AFG2A: variants seen among roughly 807,000 people sequenced by gnomAD.
AFG2A encodes AAA ATPase AFG2A, also known as ATPase family gene 2 protein homolog A.
the AFG2A span, among the ~76,000 whole-genome samples, chr4:123,023,755 T>A: frequency 6.6e-6 from 1 of 152,146 alleles, no homozygotes; most frequent in South Asian, 2.1e-4. Context: ...GATGGCAGCC[T>A]CCGAGCCGGT....
the AFG2A span, among the ~76,000 whole-genome samples, chr4:123,041,472 T>C: frequency 6.6e-6 from 1 of 151,690 alleles, no homozygotes; most frequent in African/African-American, 2.4e-5. Flanking sequence ...AAATATTGAT[T>C]TTTAGACTAT....
the AFG2A span, among the ~76,000 whole-genome samples, chr4:123,293,232 A>C: frequency 2.0e-5 from 3 of 152,172 alleles, no homozygotes; most frequent in African/African-American, 7.2e-5. Flanking sequence ...GTGATAGGCA[A>C]AGGGTAGAAG....
the AFG2A span, among the ~76,000 whole-genome samples, chr4:123,157,381 C>T: frequency 6.6e-6 from 1 of 152,072 alleles, no homozygotes; most frequent in Non-Finnish European, 1.5e-5. Flanking sequence ...CCATAAGAAG[C>T]ATAAAGCTTT....
chr4:123,156,815 T>G, the AFG2A span, among the ~76,000 whole-genome samples: 21,804 of 150,354 alleles, frequency 0.15, 2,037 homozygotes, highest in East Asian at 0.45. Context: ...GATCCCATGC[T>G]GATAGTTTTT....
At chr4:123,265,209 G>A in the AFG2A span, among the ~76,000 whole-genome samples, 2 of 151,982 alleles carry the variant, frequency 1.3e-5, no homozygotes, top group Admixed American at 6.6e-5. Context: ...TGGTTGTTAT[G>A]CTTTTCAACT....
At chr4:123,046,511 A>T in the AFG2A span, among the ~76,000 whole-genome samples, 1 of 152,002 alleles carries the variant, frequency 6.6e-6, no homozygotes, top group African/African-American at 2.4e-5. Context: ...TGTATTTTTT[A>T]TTGGTGTATC....
the AFG2A span, among the ~76,000 whole-genome samples, chr4:123,302,856 C>T: frequency 2.0e-5 from 3 of 152,204 alleles, no homozygotes; most frequent in African/African-American, 7.2e-5. Flanking sequence ...TCAATGGAAA[C>T]ATTTGCACTG....
At chr4:123,019,863 TA>T in the AFG2A span, among the ~76,000 whole-genome samples, 1 of 152,198 alleles carries the variant, frequency 6.6e-6, no homozygotes, top group Non-Finnish European at 1.5e-5. Flanking sequence ...TTTATTTCAG[TA>T]GTAAATTTTA....
chr4:123,095,858 T>G, the AFG2A span, among the ~76,000 whole-genome samples: 1 of 152,090 alleles, frequency 6.6e-6, no homozygotes, highest in African/African-American at 2.4e-5. Flanking sequence ...GTTATGATGA[T>G]TTTAGGTTAG....
At chr4:123,180,005 A>G in the AFG2A span, among the ~76,000 whole-genome samples, 45 of 152,222 alleles carry the variant, frequency 3.0e-4, no homozygotes, top group Middle Eastern at 3.4e-3. Flanking sequence ...AGATCACTTG[A>G]GGTAAGGCAT....
the AFG2A span, among the ~76,000 whole-genome samples, chr4:123,063,745 A>G: frequency 6.7e-6 from 1 of 148,982 alleles, no homozygotes; most frequent in Non-Finnish European, 1.5e-5. Flanking sequence ...GACTGTCTCA[A>G]AAAAAAAAAA....
At chr4:123,279,585 G>A in the AFG2A span, among the ~76,000 whole-genome samples, 1 of 152,142 alleles carries the variant, frequency 6.6e-6, no homozygotes. Context: ...AATAGGTATA[G>A]TAGTTATAAT....
chr4:123,282,713 A>T, the AFG2A span, among the ~76,000 whole-genome samples: 8 of 152,002 alleles, frequency 5.3e-5, no homozygotes, highest in Non-Finnish European at 7.4e-5. Flanking sequence ...GCTGAGGGGC[A>T]GTTCCCCAAA....
At chr4:123,231,932 C>T in the AFG2A span, among the ~76,000 whole-genome samples, 1 of 151,750 alleles carries the variant, frequency 6.6e-6, no homozygotes, top group Non-Finnish European at 1.5e-5. Context: ...TTTGTGGTGA[C>T]CCAAAATAAT....
At chr4:122,984,005 T>C in the AFG2A span, among the ~76,000 whole-genome samples, 1 of 152,152 alleles carries the variant, frequency 6.6e-6, no homozygotes, top group Non-Finnish European at 1.5e-5. Context: ...CTAGACCTTC[T>C]TCTGACAGAG....
the AFG2A span, among the ~76,000 whole-genome samples, chr4:123,153,611 A>G: frequency 1.3e-5 from 2 of 152,176 alleles, no homozygotes; most frequent in Non-Finnish European, 2.9e-5. Flanking sequence ...TTATATTTAT[A>G]AGGGTTAACT....
chr4:123,310,460 G>C, the AFG2A span, among the ~76,000 whole-genome samples: 46 of 152,144 alleles, frequency 3.0e-4, no homozygotes, highest in South Asian at 7.1e-3. Flanking sequence ...TCCCTTACCT[G>C]TATGCATGTC....
chr4:123,076,977 G>A, the AFG2A span, among the ~76,000 whole-genome samples: 1 of 148,906 alleles, frequency 6.7e-6, no homozygotes. Flanking sequence ...TGTGTGTGTG[G>A]TGGTGGTGGG....
the AFG2A span, among the ~76,000 whole-genome samples, chr4:123,293,312 A>G: frequency 6.6e-6 from 1 of 152,146 alleles, no homozygotes; most frequent in African/African-American, 2.4e-5. Flanking sequence ...CAGTCTTTCT[A>G]CCACTTAGCC....
Sources: allele counts gnomAD v4.1 joint callset (sites outside exome capture counted in the v4.1 genomes callset), GRCh38; gene constraint gnomAD v4.1.1; transcripts MANE v1.5; gene names NCBI Gene and HGNC (gene_info 2026-07-23, HGNC 2026-07-21).